Variants in JAKMIP2 observed in about 807,000 individuals in gnomAD.
JAKMIP2 encodes the protein janus kinase and microtubule interacting protein 2.
In JAKMIP2, 25 loss-of-function variants were observed where a neutral mutation model predicts 115.0. The ratio of observed to expected loss-of-function variants is 0.22; its 90% CI spans 0.16 to 0.30. JAKMIP2 has a LOEUF of 0.30. Among genes scored for constraint, JAKMIP2 ranks in the 10% least tolerant of loss-of-function variants. The probability of loss-of-function intolerance (pLI) is 1.00; values close to 1 mark genes in which losing one functional copy is unlikely to be tolerated. For missense variants in JAKMIP2, 642 were observed against 957.6 expected (o/e 0.67, Z 4.35); for synonymous variants, 334 against 343.6 (o/e 0.97, Z 0.31).
At chr5:147,704,894 T>C (rs1752505619) in intron 1 of JAKMIP2, among the ~76,000 whole-genome samples, 1 of 152,106 alleles carries the variant, frequency 6.6e-6, no homozygotes, top group Non-Finnish European at 1.5e-5. Context: ...ACTGGAGCTG[T>C]TTTCTCAAGG....
intron 1 of JAKMIP2, among the ~76,000 whole-genome samples, chr5:147,702,571 AG>A (rs1752380997): frequency 8.0e-6 from 1 of 124,632 alleles, no homozygotes; most frequent in Non-Finnish European, 1.6e-5. Context: ...AAAGAAAGAA[AG>A]AAAGAAGGAA....
chr5:147,614,453 C>T (rs1380128546), intron 19 of JAKMIP2, among the ~76,000 whole-genome samples: 3 of 152,184 alleles, frequency 2.0e-5, no homozygotes, highest in Non-Finnish European at 4.4e-5. Context: ...CAACAGAAAA[C>T]CTTGCTGGAT....
At position 147,764,316 on chromosome 5, in the gene JAKMIP2, G is replaced by GA. The variant is rs111480324; in HGVS notation, c.-149+18139dup. On this transcript the variant is annotated intron_variant, in intron 1 of 21. Coordinates refer to ENST00000616793, the MANE Select transcript of JAKMIP2 (RefSeq NM_001270941.2). Reference sequence around the variant, plus strand: ...GAAACAAGGAGAACAATTATGCACTGAACAGTACCATAGTGACCACAAGTA... The same window carrying GA: ...GAAACAAGGAGAACAATTATGCACTGAAACAGTACCATAGTGACCACAAGTA... Among the ~76,000 whole-genome samples the GA allele has an allele frequency of 4.3e-3, 647 of 152,110 alleles. 5 individuals are homozygous for GA. The highest frequency in any genetic ancestry group is 0.015 in the African/African-American group (625 of 41,504).
At chr5:147,611,076 C>T (rs989170446) in intron 20 of JAKMIP2, among the ~76,000 whole-genome samples, 6 of 152,148 alleles carry the variant, frequency 3.9e-5, no homozygotes, top group African/African-American at 1.4e-4. Flanking sequence ...GACTGCTGTG[C>T]TGGCAGGTAG....
intron 3 of JAKMIP2, among the ~76,000 whole-genome samples, chr5:147,653,943 C>T (rs1329234926): frequency 6.6e-6 from 1 of 152,146 alleles, no homozygotes; most frequent in East Asian, 1.9e-4. Flanking sequence ...AGCCAGTTTT[C>T]CCAGCACCAT....
chr5:147,624,889 A>C, intron 16 of JAKMIP2, among the ~76,000 whole-genome samples: 1 of 152,202 alleles, frequency 6.6e-6, no homozygotes, highest in East Asian at 1.9e-4. Context: ...CAATAAGTAA[A>C]GATTAAGGAA....
intron 1 of JAKMIP2, among the ~76,000 whole-genome samples, chr5:147,679,105 C>T (rs755623780): frequency 5.9e-5 from 9 of 151,912 alleles, no homozygotes; most frequent in Admixed American, 4.6e-4. Context: ...CTCAGCCTCC[C>T]GAGTAGCTGG....
rs1359000373 is a variant in JAKMIP2 at position 147,590,966 on chromosome 5, T to C, written c.*741A>G. 1.3e-5 allele frequency: 2 copies of C among 152,556 alleles called. No individual in the cohort carries two copies. The highest frequency in any genetic ancestry group is 1.3e-4 in the Admixed American group (2 of 15,278). The allele number at this position is 152,556 out of a possible 1,614,324, so 9.5% of individuals were successfully genotyped here. On this transcript the variant is annotated 3_prime_UTR_variant, in exon 22 of 22. Transcript: ENST00000616793. ...TTTGACTTCGTTACCAGTTTTGTTG[T>C]GGTCACTGTGATCCACTTCTCATCT...
rs192281406 is a variant in JAKMIP2, at chr5:147,670,376, G to A, written c.129+1302C>T. ...TATTGATCAAGAATGTTTTCTTACT[G>A]TATAATTATCTAAATAAGGCAACTT... On this transcript the variant is annotated intron_variant, in intron 2 of 21. Coordinates refer to ENST00000616793, the MANE Select transcript of JAKMIP2 (RefSeq NM_001270941.2). 1.6e-4 allele frequency among the ~76,000 whole-genome samples: 25 copies of A among 152,268 alleles called. No homozygotes were observed. In the East Asian group the frequency reaches 4.1e-3, roughly 25 times the overall value.
chr5:147,616,691 A>C (rs556168153), intron 19 of JAKMIP2, among the ~76,000 whole-genome samples: 1 of 152,320 alleles, frequency 6.6e-6, no homozygotes, highest in Non-Finnish European at 1.5e-5. Flanking sequence ...AAAGACTTTA[A>C]GAAGTCTTTC....
At chr5:147,650,126 A>G (rs991885402) in intron 4 of JAKMIP2, among the ~76,000 whole-genome samples, 5 of 152,200 alleles carry the variant, frequency 3.3e-5, no homozygotes, top group Non-Finnish European at 5.9e-5. Context: ...ATTTAAAGAA[A>G]TCTATCTCAT....
At chr5:147,609,401 C>T (rs1180424507) in intron 20 of JAKMIP2, among the ~76,000 whole-genome samples, 2 of 152,178 alleles carry the variant, frequency 1.3e-5, no homozygotes, top group African/African-American at 4.8e-5. Context: ...ATTTGCTTGT[C>T]TGTAAAGGAT....
intron 19 of JAKMIP2, among the ~76,000 whole-genome samples, chr5:147,616,298 A>G (rs566395016): frequency 6.6e-6 from 1 of 152,354 alleles, no homozygotes; most frequent in South Asian, 2.1e-4. Flanking sequence ...AGAGTAAGAA[A>G]TAACTGGGAA....
In JAKMIP2 at chr5:147,586,295, T is replaced by A. The variant is rs1458143259; in HGVS notation, c.*5412A>T. ...ACTATGTACAGAATATATCTGTGCATATATTTACATCACATATTTATAAAA... is the reference window on the plus strand; with the variant it reads ...ACTATGTACAGAATATATCTGTGCAAATATTTACATCACATATTTATAAAA... On this transcript the variant is annotated 3_prime_UTR_variant, in exon 22 of 22. Transcript: ENST00000616793. 7 of 152,186 alleles carry A rather than the reference T, an allele frequency of 4.6e-5. No individual in the cohort carries two copies. The highest frequency in any genetic ancestry group is 1.7e-4 in the African/African-American group (7 of 41,446). The allele number at this position is 152,186 out of a possible 1,614,324, so 9.4% of individuals were successfully genotyped here. A position where few individuals can be genotyped will look rare whatever the true frequency, so the allele number is the denominator to read the frequency against.
intron 1 of JAKMIP2, among the ~76,000 whole-genome samples, chr5:147,739,559 C>CA (rs533506508): frequency 3.9e-5 from 6 of 152,138 alleles, no homozygotes; most frequent in African/African-American, 1.4e-4. Flanking sequence ...GAAGAGCCCA[C>CA]AAAAAATGTC....
At chr5:147,738,960 G>A (rs1046045428) in intron 1 of JAKMIP2, among the ~76,000 whole-genome samples, 2 of 152,162 alleles carry the variant, frequency 1.3e-5, no homozygotes, top group African/African-American at 4.8e-5. Context: ...CTTCATCCAA[G>A]GATCTTTAAA....
intron 16 of JAKMIP2, 50 bp downstream of exon 16, chr5:147,628,701 G>T (rs200606853): frequency 7.1e-7 from 1 of 1,403,886 alleles, no homozygotes. Context: ...TGCTCGTTCA[G>T]TATTAAGCCA....
At chr5:147,775,144 T>C (rs1755509625) in intron 1 of JAKMIP2, among the ~76,000 whole-genome samples, 3 of 152,150 alleles carry the variant, frequency 2.0e-5, no homozygotes, top group African/African-American at 4.8e-5. Flanking sequence ...CCCGTAGAAA[T>C]CACTGTCCTC....
At chr5:147,607,850 G>C (rs577499533) in intron 20 of JAKMIP2, among the ~76,000 whole-genome samples, 1 of 152,222 alleles carries the variant, frequency 6.6e-6, no homozygotes, top group Non-Finnish European at 1.5e-5. Context: ...CTCTATTTCA[G>C]AACTTCTTAT....
Sources: gnomAD v4.1 joint callset for allele counts (sites outside exome capture counted in the v4.1 genomes callset) on GRCh38, gnomAD v4.1.1 for gene constraint, MANE v1.5 for transcripts, NCBI Gene and HGNC (gene_info 2026-07-23, HGNC 2026-07-21) for gene names.